STX8: variants seen among roughly 807,000 people sequenced by gnomAD.
STX8 encodes syntaxin 8.
Under a neutral mutation model 37.5 loss-of-function variants are expected in STX8, and 23 were observed. That is an observed-to-expected ratio of 0.61 (90% CI 0.44 to 0.87). STX8 has a LOEUF of 0.87. Ranked by LOEUF, STX8 falls within the 40% of genes least tolerant of loss-of-function variation. The pLI, the probability that STX8 is intolerant of heterozygous loss-of-function variation, is 0.00. For synonymous variants in STX8, 115 were observed against 99.1 expected (o/e 1.16, Z -0.95); for missense variants, 313 against 284.7 (o/e 1.10, Z -0.71).
intron 6 of STX8, among the ~76,000 whole-genome samples, chr17:9,457,764 TGA>T (rs1905222673): frequency 6.6e-6 from 1 of 152,240 alleles, no homozygotes; most frequent in African/African-American, 2.4e-5. Context: ...ATAAAAAAGG[TGA>T]GACACCTCTT....
intron 7 of STX8, among the ~76,000 whole-genome samples, chr17:9,286,926 G>A (rs1021933884): frequency 6.6e-6 from 1 of 152,124 alleles, no homozygotes; most frequent in Non-Finnish European, 1.5e-5. Flanking sequence ...TCACCTCTCA[G>A]GGTCTTTGCC....
intron 7 of STX8, among the ~76,000 whole-genome samples, chr17:9,350,411 T>C (rs1910667397): frequency 6.6e-6 from 1 of 152,222 alleles, no homozygotes; most frequent in Non-Finnish European, 1.5e-5. Flanking sequence ...ACTACTGTAA[T>C]GAGAGCAGTT....
intron 7 of STX8, among the ~76,000 whole-genome samples, chr17:9,270,202 C>A (rs1329108166): frequency 6.6e-6 from 1 of 152,116 alleles, no homozygotes; most frequent in Admixed American, 6.5e-5. Context: ...TATCTTAATA[C>A]CTGGAATATG....
intron 4 of STX8, among the ~76,000 whole-genome samples, chr17:9,525,537 G>A (rs1351145907): frequency 1.3e-5 from 2 of 151,774 alleles, no homozygotes; most frequent in Admixed American, 6.6e-5. Flanking sequence ...TAGTAGAGAC[G>A]GGGTTTCACC....
At chr17:9,449,641 G>A (rs952915019) in intron 6 of STX8, among the ~76,000 whole-genome samples, 6 of 152,080 alleles carry the variant, frequency 3.9e-5, no homozygotes, top group Admixed American at 3.9e-4. Context: ...CACAAACTAC[G>A]GATGTATGCA....
intron 6 of STX8, among the ~76,000 whole-genome samples, chr17:9,472,513 T>C (rs1905915060): frequency 6.6e-6 from 1 of 152,166 alleles, no homozygotes; most frequent in Non-Finnish European, 1.5e-5. Context: ...GGAGAAACAG[T>C]ATGACTAGGG....
chr17:9,281,362 A>G (rs534614916), intron 7 of STX8, among the ~76,000 whole-genome samples: 1 of 152,318 alleles, frequency 6.6e-6, no homozygotes, highest in African/African-American at 2.4e-5. Flanking sequence ...GGCCTGAGAA[A>G]TGGAGTGGTT....
chr17:9,294,373 G>A (rs534666238), intron 7 of STX8, among the ~76,000 whole-genome samples: 9 of 152,354 alleles, frequency 5.9e-5, no homozygotes, highest in Admixed American at 4.6e-4. Flanking sequence ...AATGGCTCAG[G>A]AAAGCTGGAA....
At chr17:9,438,679 A>G (rs2142382444) in intron 6 of STX8, among the ~76,000 whole-genome samples, 1 of 152,288 alleles carries the variant, frequency 6.6e-6, no homozygotes, top group South Asian at 2.1e-4. Flanking sequence ...CTGTAATCCC[A>G]GCACTTTGGG....
chr17:9,574,419 C>T (rs1166479194), intron 1 of STX8, among the ~76,000 whole-genome samples: 1 of 151,464 alleles, frequency 6.6e-6, no homozygotes, highest in Non-Finnish European at 1.5e-5. Context: ...TGGCTATTTC[C>T]AAATTATAGA....
rs1444870085 is a variant in STX8, at chr17:9,324,766, A to C, written c.643+53786T>G. 6.0e-5 allele frequency among the ~76,000 whole-genome samples: 7 copies of C among 115,950 alleles called. No homozygotes were observed. In the East Asian group the frequency reaches 1.5e-3, roughly 25 times the overall value. The allele number at this position is 115,950 out of a possible 152,430, so 76.1% of individuals were successfully genotyped here. A position where few individuals can be genotyped will look rare whatever the true frequency, so the allele number is the denominator to read the frequency against. ...GGTGACAAGAGCAAAACTCCATCTC[A>C]AAAAAAAAAAAAAAAAAAAAAGAGA... On this transcript the variant is annotated intron_variant, in intron 7 of 7. Transcript: ENST00000306357.
intron 1 of STX8, among the ~76,000 whole-genome samples, chr17:9,573,973 C>A (rs1907791929): frequency 2.0e-5 from 3 of 151,918 alleles, no homozygotes; most frequent in Admixed American, 2.0e-4. Context: ...TATTTTGCAA[C>A]ATAAGACAAT....
At chr17:9,450,481 C>A (rs1563677) in intron 6 of STX8, among the ~76,000 whole-genome samples, 1 of 151,468 alleles carries the variant, frequency 6.6e-6, no homozygotes, top group African/African-American at 2.4e-5. Flanking sequence ...CCCATATATA[C>A]GGATGTGTGT....
At chr17:9,400,302 C>T (rs1487777100) in intron 6 of STX8, among the ~76,000 whole-genome samples, 2 of 151,930 alleles carry the variant, frequency 1.3e-5, no homozygotes, top group South Asian at 2.1e-4. Flanking sequence ...CGGGATTCAC[C>T]GTGTTAGCCA....
intron 7 of STX8, among the ~76,000 whole-genome samples, chr17:9,353,533 T>G (rs1018720203): frequency 6.6e-6 from 1 of 152,194 alleles, no homozygotes; most frequent in Non-Finnish European, 1.5e-5. Flanking sequence ...TAAAGATCAT[T>G]ATTACTTTTC....
intron 7 of STX8, among the ~76,000 whole-genome samples, chr17:9,255,547 TAA>T (rs1906760625): frequency 1.4e-5 from 1 of 69,508 alleles, no homozygotes; most frequent in African/African-American, 4.7e-5. Flanking sequence ...AATAAATAAA[TAA>T]ATAAATATAT....
intron 6 of STX8, among the ~76,000 whole-genome samples, chr17:9,430,593 CTA>C (rs1913920646): frequency 6.6e-6 from 1 of 151,266 alleles, no homozygotes; most frequent in Non-Finnish European, 1.5e-5. Context: ...TAAGTACATA[CTA>C]CAACTTGTTT....
chr17:9,410,846 A>G (rs1912955509), intron 6 of STX8, among the ~76,000 whole-genome samples: 1 of 152,244 alleles, frequency 6.6e-6, no homozygotes, highest in South Asian at 2.1e-4. Context: ...TACGAAGAGA[A>G]AAGCAAAACT....
At position 9,390,382 on chromosome 17, in the gene STX8, C is replaced by T. The variant is rs193147009; in HGVS notation, c.542-11729G>A. On this transcript the variant is annotated intron_variant, in intron 6 of 7. Transcript: ENST00000306357. ...ACTAAATATACAAAAATTACCTGGG[C>T]GTGGTGGTGGTTGTCTGTAATCCCA... is the stretch of plus-strand genomic sequence containing the variant. Among the ~76,000 whole-genome samples, 406 of 151,698 alleles carry T rather than the reference C, an allele frequency of 2.7e-3. 2 individuals are homozygous for T. The highest frequency in any genetic ancestry group is 9.4e-3 in the African/African-American group (388 of 41,314).
Sources: gnomAD v4.1 joint callset for allele counts (sites outside exome capture counted in the v4.1 genomes callset) on GRCh38, gnomAD v4.1.1 for gene constraint, MANE v1.5 for transcripts, NCBI Gene and HGNC (gene_info 2026-07-23, HGNC 2026-07-21) for gene names.